The following FAM227B variants were observed in gnomAD, a reference collection of about 807,000 sequenced individuals.
FAM227B encodes the protein protein FAM227B.
A neutral mutation model predicts 73.8 loss-of-function variants in FAM227B; 88 were observed. The ratio of observed to expected loss-of-function variants is 1.19; its 90% confidence interval spans 1.00 to 1.42. The LOEUF (loss-of-function observed/expected upper bound fraction) is 1.42, where lower values mean the gene tolerates loss of function less well. Among genes scored for constraint, FAM227B ranks in the 40% most tolerant of loss-of-function variants. FAM227B has a pLI of 0.00. For synonymous variants in FAM227B, 210 were observed against 190.5 expected (o/e 1.10, Z -0.84); for missense variants, 632 against 590.9 (o/e 1.07, Z -0.72).
chr15:49,423,970 C>A, intron 11 of FAM227B: 1 of 224,004 alleles, frequency 4.5e-6, no homozygotes, highest in Non-Finnish European at 8.8e-6. Context: ...AAAATTTACA[C>A]ATACAATTTT....
intron 13 of FAM227B, chr15:49,365,457 G>T: frequency 1.1e-6 from 1 of 897,838 alleles, no homozygotes; most frequent in Non-Finnish European, 1.9e-6. Context: ...TGTCTCCAAA[G>T]CCCAATATTG....
chr15:49,354,488 CG>C (rs1283006460), intron 13 of FAM227B, among the ~76,000 whole-genome samples: 2 of 152,214 alleles, frequency 1.3e-5, no homozygotes, highest in East Asian at 1.9e-4. Flanking sequence ...GGGTGACGGA[CG>C]GCACCTGGAA....
At chr15:49,378,399 A>G (rs1348049298) in intron 11 of FAM227B, among the ~76,000 whole-genome samples, 1 of 152,010 alleles carries the variant, frequency 6.6e-6, no homozygotes, top group Non-Finnish European at 1.5e-5. Context: ...GGTTAGTATG[A>G]ACATGTTAAC....
At chr15:49,438,808 A>T (rs1182771322) in intron 11 of FAM227B, among the ~76,000 whole-genome samples, 1 of 150,404 alleles carries the variant, frequency 6.6e-6, no homozygotes, top group African/African-American at 2.4e-5. Flanking sequence ...TACAGTTGTT[A>T]AATGTTACCA....
intron 11 of FAM227B, among the ~76,000 whole-genome samples, chr15:49,479,599 G>GTTTTTTTGTTTTTTT (rs2055712240): frequency 2.2e-4 from 14 of 63,320 alleles, no homozygotes; most frequent in African/African-American, 8.2e-4. Flanking sequence ...TAATACCTCT[G>GTTTTTTTGTTTTTTT]TTTTTTTTTT....
chr15:49,417,234 A>T (rs1720085896), intron 11 of FAM227B, among the ~76,000 whole-genome samples: 1 of 152,050 alleles, frequency 6.6e-6, no homozygotes, highest in Non-Finnish European at 1.5e-5. Flanking sequence ...TTTGCAAAAA[A>T]TACAAAAAAA....
At chr15:49,537,479 G>A (rs1457241068) in intron 10 of FAM227B, among the ~76,000 whole-genome samples, 1 of 152,090 alleles carries the variant, frequency 6.6e-6, no homozygotes, top group African/African-American at 2.4e-5. Context: ...ATGTAGACTG[G>A]TGCAGCTATT....
At chr15:49,591,020 CTTTTTT>C (rs913958003) in intron 3 of FAM227B, among the ~76,000 whole-genome samples, 1 of 106,900 alleles carries the variant, frequency 9.4e-6, no homozygotes, top group Admixed American at 9.2e-5. Context: ...TTCTCTTTCT[CTTTTTT>C]TTGTTTTTTT....
chr15:49,546,610 T>C (rs1313558528), intron 9 of FAM227B, among the ~76,000 whole-genome samples: 1 of 152,202 alleles, frequency 6.6e-6, no homozygotes, highest in Non-Finnish European at 1.5e-5. Flanking sequence ...CCACATCTTC[T>C]CCAGCACCTG....
chr15:49,510,857 C>T (rs1398476468), intron 10 of FAM227B, among the ~76,000 whole-genome samples: 1 of 151,938 alleles, frequency 6.6e-6, no homozygotes, highest in Non-Finnish European at 1.5e-5. Flanking sequence ...AAATAATTTT[C>T]CCTTAGAATT....
chr15:49,571,377 T>C (rs1279041580), intron 8 of FAM227B, among the ~76,000 whole-genome samples: 1 of 151,998 alleles, frequency 6.6e-6, no homozygotes, highest in Admixed American at 6.6e-5. Context: ...ATTTGTCTAT[T>C]TTTTGCTTTT....
intron 9 of FAM227B, among the ~76,000 whole-genome samples, chr15:49,559,353 A>G (rs2074044183): frequency 6.6e-6 from 1 of 152,098 alleles, no homozygotes; most frequent in Non-Finnish European, 1.5e-5. Context: ...CCCACAGAAC[A>G]GGAAACTTAT....
intron 11 of FAM227B, among the ~76,000 whole-genome samples, chr15:49,415,628 G>A (rs1168322495): frequency 6.6e-6 from 1 of 152,056 alleles, no homozygotes; most frequent in Non-Finnish European, 1.5e-5. Flanking sequence ...TTTAAATTTA[G>A]ATTAGCATTT....
intron 10 of FAM227B, among the ~76,000 whole-genome samples, chr15:49,525,035 G>A (rs1169146889): frequency 6.6e-6 from 1 of 152,184 alleles, no homozygotes; most frequent in African/African-American, 2.4e-5. Context: ...GGACTTTTGA[G>A]TTAATGCTGA....
chr15:49,471,546 T>C (rs570471469), intron 11 of FAM227B, among the ~76,000 whole-genome samples: 26 of 149,770 alleles, frequency 1.7e-4, no homozygotes, highest in African/African-American at 5.9e-4. Flanking sequence ...GCAAATGTAA[T>C]GAATTTATAT....
At chr15:49,565,079 T>A (rs2074539905) in intron 9 of FAM227B, among the ~76,000 whole-genome samples, 2 of 152,084 alleles carry the variant, frequency 1.3e-5, no homozygotes, top group South Asian at 4.1e-4. Flanking sequence ...CAGTACTATT[T>A]CAATATTAAA....
At chr15:49,577,847 A>G (rs1219673492) in intron 5 of FAM227B, among the ~76,000 whole-genome samples, 183 bp from the exon 6 acceptor site, 3 of 152,320 alleles carry the variant, frequency 2.0e-5, no homozygotes, top group East Asian at 3.9e-4. Flanking sequence ...TTTGCCCTCA[A>G]ACTAGTTATG....
At chr15:49,433,201 A>G (rs1463437797) in intron 11 of FAM227B, among the ~76,000 whole-genome samples, 1 of 151,634 alleles carries the variant, frequency 6.6e-6, no homozygotes, top group African/African-American at 2.4e-5. Flanking sequence ...TAATGGTCTT[A>G]TTCTCTTTCT....
intron 13 of FAM227B, among the ~76,000 whole-genome samples, chr15:49,348,862 C>T (rs1168648932): frequency 6.6e-6 from 1 of 152,188 alleles, no homozygotes; most frequent in African/African-American, 2.4e-5. Flanking sequence ...AAGTTTTCTT[C>T]TCTTATTTGA....
Sources: gnomAD v4.1 joint callset for allele counts (sites outside exome capture counted in the v4.1 genomes callset) on GRCh38, gnomAD v4.1.1 for gene constraint, MANE v1.5 for transcripts, NCBI Gene and HGNC (gene_info 2026-07-23, HGNC 2026-07-21) for gene names.